The following FOXP1 variants were observed in gnomAD, a reference collection of about 807,000 sequenced individuals.
FOXP1 encodes forkhead box P1, also known as forkhead box protein P1.
FOXP1 carries 15 observed loss-of-function variants against 98.2 expected under a neutral mutation model. The ratio of observed to expected loss-of-function variants is 0.15; its 90% confidence interval spans 0.10 to 0.24. FOXP1 has a LOEUF of 0.24. Among genes scored for constraint, FOXP1 ranks in the 10% least tolerant of loss-of-function variants. The pLI is 1.00. For missense variants in FOXP1, 633 were observed against 848.5 expected (o/e 0.75, Z 3.15); for synonymous variants, 371 against 314.5 (o/e 1.18, Z -1.90).
At chr3:70,996,333 C>T (rs1418829789) in intron 13 of FOXP1, among the ~76,000 whole-genome samples, 1 of 152,196 alleles carries the variant, frequency 6.6e-6, no homozygotes, top group Non-Finnish European at 1.5e-5. Flanking sequence ...CTGTCATGCA[C>T]AGTGCTGATT....
chr3:71,512,191 ATTGTGCT>A (rs2042249390), intron 2 of FOXP1, among the ~76,000 whole-genome samples: 1 of 152,296 alleles, frequency 6.6e-6, no homozygotes, highest in South Asian at 2.1e-4. Flanking sequence ...CCTAGTTCAC[ATTGTGCT>A]ATATTGCCTC....
chr3:71,501,303 T>C (rs2041334918), intron 2 of FOXP1, among the ~76,000 whole-genome samples: 1 of 149,956 alleles, frequency 6.7e-6, no homozygotes, highest in Admixed American at 6.6e-5. Context: ...CTTTTTTTTT[T>C]TTTTTTTTTT....
rs150370462 is a variant in FOXP1, at chr3:71,345,829, G to C, written c.-73+13321C>G. 8.9e-3 allele frequency among the ~76,000 whole-genome samples: 1,206 copies of C among 135,246 alleles called. 10 individuals carry two copies. The highest frequency in any genetic ancestry group is 0.013 in the Middle Eastern group (3 of 224). The allele number at this position is 135,246 out of a possible 152,430, so 88.7% of individuals were successfully genotyped here. A position where few individuals can be genotyped will look rare whatever the true frequency, so the allele number is the denominator to read the frequency against. On this transcript the variant is annotated intron_variant, in intron 4 of 20. Transcript: ENST00000649528. The stretch of plus-strand genomic sequence containing the variant: ...ACCATGAACAGCAGGTGCGGGCAGG[G>C]ACTACCGATAGGCTATAGGTTTGAA...
chr3:71,430,211 G>C (rs1353856320), intron 3 of FOXP1, among the ~76,000 whole-genome samples: 1 of 152,160 alleles, frequency 6.6e-6, no homozygotes. Flanking sequence ...CTGACTCGAG[G>C]ACTTTGCAGC....
At chr3:71,386,741 CAAAAAAAAA>C (rs5850010) in intron 3 of FOXP1, among the ~76,000 whole-genome samples, 1 of 90,976 alleles carries the variant, frequency 1.1e-5, no homozygotes, top group Admixed American at 1.3e-4. Context: ...GATTCCGTCT[CAAAAAAAAA>C]AAAAAAAAAA....
rs1560425048 is a variant in FOXP1 at position 71,397,012 on chromosome 3, A to ATATATACACATATATATATGTG, written c.-167-37769_-167-37768insCACATATATATATGTGTATATA. Among the ~76,000 whole-genome samples, 4 of 33,642 alleles carry ATATATACACATATATATATGTG rather than the reference A, an allele frequency of 1.2e-4. 1 individual carries two copies. The highest frequency in any genetic ancestry group is 2.6e-4 in the African/African-American group (2 of 7,576). The allele number at this position is 33,642 out of a possible 152,430, so 22.1% of individuals were successfully genotyped here. A position where few individuals can be genotyped will look rare whatever the true frequency, so the allele number is the denominator to read the frequency against. On this transcript the variant is annotated intron_variant, in intron 3 of 20. Transcript: ENST00000649528. ...TATATATACACATATATATGTGTATATATATATATATACATATATATGTGT... is the reference window on the plus strand; with the variant it reads ...TATATATACACATATATATGTGTATATATATACACATATATATATGTGTATATATATATACATATATATGTGT...
At chr3:71,549,938 G>T (rs992303893) in intron 2 of FOXP1, among the ~76,000 whole-genome samples, 1 of 146,432 alleles carries the variant, frequency 6.8e-6, no homozygotes, top group Non-Finnish European at 1.5e-5. Context: ...TTTAGAACAT[G>T]CCTTTCTAAA....
intron 4 of FOXP1, among the ~76,000 whole-genome samples, chr3:71,347,267 A>C (rs1033601127): frequency 2.0e-5 from 3 of 152,222 alleles, no homozygotes; most frequent in African/African-American, 7.2e-5. Flanking sequence ...AGATCCGTCA[A>C]ATTACAGCTC....
intron 3 of FOXP1, among the ~76,000 whole-genome samples, chr3:71,402,837 A>G (rs750817609): frequency 2.8e-4 from 42 of 152,228 alleles, no homozygotes; most frequent in Non-Finnish European, 5.0e-4. Flanking sequence ...AGCAAATAGG[A>G]CAAGCTGCTA....
chr3:71,499,365 C>T (rs2041157345), intron 2 of FOXP1, among the ~76,000 whole-genome samples: 1 of 152,176 alleles, frequency 6.6e-6, no homozygotes, highest in Non-Finnish European at 1.5e-5. Flanking sequence ...CACTGGATCT[C>T]CCTTGGTTTG....
intron 13 of FOXP1, among the ~76,000 whole-genome samples, chr3:70,994,308 C>T (rs1000933797): frequency 2.6e-5 from 4 of 151,996 alleles, no homozygotes; most frequent in Non-Finnish European, 5.9e-5. Context: ...AGTTTTGAAA[C>T]TGAAAATCCC....
At chr3:71,378,323 T>C (rs1320800278) in intron 3 of FOXP1, among the ~76,000 whole-genome samples, 2 of 152,202 alleles carry the variant, frequency 1.3e-5, no homozygotes, top group Non-Finnish European at 1.5e-5. Flanking sequence ...TCATATACTA[T>C]GATACAGTAG....
rs1194695203 is a variant in FOXP1, at chr3:71,396,950, G to GTA, written c.-167-37708_-167-37707dup. 2.2e-3 allele frequency among the ~76,000 whole-genome samples: 114 copies of GTA among 50,930 alleles called. 22 individuals carry two copies. Among genetic ancestry groups the GTA allele is most frequent in the African/African-American group, 7.7e-3 (91 of 11,832 alleles). The allele number at this position is 50,930 out of a possible 152,430, so 33.4% of individuals were successfully genotyped here. ...TATATATATACACATATATATATGT[G>GTA]TATATATATATATGTGTGTATATAT... On this transcript the variant is annotated intron_variant, in intron 3 of 20. Coordinates refer to ENST00000649528, the MANE Select transcript of FOXP1 (RefSeq NM_001349338.3).
At chr3:71,360,928 G>C (rs187120122) in intron 3 of FOXP1, among the ~76,000 whole-genome samples, 4 of 152,284 alleles carry the variant, frequency 2.6e-5, no homozygotes, top group African/African-American at 9.6e-5. Context: ...GTTAAGAGAT[G>C]GTGTTCCCAG....
intron 3 of FOXP1, among the ~76,000 whole-genome samples, chr3:71,369,182 G>A (rs915536679): frequency 1.1e-4 from 17 of 152,138 alleles, no homozygotes; most frequent in South Asian, 2.1e-4. Context: ...AAGGTCAGGC[G>A]TTCGAGACCA....
intron 5 of FOXP1, among the ~76,000 whole-genome samples, chr3:71,240,328 G>A (rs1247214763): frequency 6.6e-6 from 1 of 152,234 alleles, no homozygotes; most frequent in African/African-American, 2.4e-5. Context: ...GAAGGGCAGT[G>A]TACTGGCCAA....
chr3:71,455,432 A>C (rs1464280064), intron 3 of FOXP1, among the ~76,000 whole-genome samples: 1 of 152,200 alleles, frequency 6.6e-6, no homozygotes, highest in African/African-American at 2.4e-5. Flanking sequence ...TTAGTCATTA[A>C]ACACCCTTCC....
At chr3:70,978,454 G>C (rs1327858954) in intron 14 of FOXP1, among the ~76,000 whole-genome samples, 1 of 152,176 alleles carries the variant, frequency 6.6e-6, no homozygotes, top group Non-Finnish European at 1.5e-5. Context: ...GGATACGCTG[G>C]TGTAGATCTG....
chr3:71,029,122 G>T (rs750262683), intron 11 of FOXP1, among the ~76,000 whole-genome samples: 1 of 152,208 alleles, frequency 6.6e-6, no homozygotes, highest in Non-Finnish European at 1.5e-5. Flanking sequence ...AGCACCTGTG[G>T]CCAAAGAGTG....
Sources: gnomAD v4.1 joint callset for allele counts (sites outside exome capture counted in the v4.1 genomes callset) on GRCh38, gnomAD v4.1.1 for gene constraint, MANE v1.5 for transcripts, NCBI Gene and HGNC (gene_info 2026-07-23, HGNC 2026-07-21) for gene names.